The following DOK6 variants were observed in gnomAD, a reference collection of about 807,000 sequenced individuals.
DOK6 encodes downstream of tyrosine kinase 6.
In DOK6, 22 loss-of-function variants were observed where a neutral mutation model predicts 44.0. The observed-to-expected ratio is 0.50, with a 90% CI of 0.36 to 0.71. The LOEUF (loss-of-function observed/expected upper bound fraction) is 0.71. Ranked by LOEUF, DOK6 falls within the 30% of genes least tolerant of loss-of-function variation. The pLI is 0.00. For synonymous variants in DOK6, 166 were observed against 145.5 expected (o/e 1.14, Z -1.01); for missense variants, 340 against 416.4 (o/e 0.82, Z 1.60).
intron 1 of DOK6, among the ~76,000 whole-genome samples, chr18:69,531,024 C>T (rs1336452616): frequency 2.6e-5 from 4 of 151,914 alleles, no homozygotes; most frequent in Non-Finnish European, 5.9e-5. Context: ...CCTTCTTTGT[C>T]TCTTTTGATC....
chr18:69,439,446 C>T (rs2122439233), intron 1 of DOK6, among the ~76,000 whole-genome samples: 1 of 152,308 alleles, frequency 6.6e-6, no homozygotes, highest in Middle Eastern at 3.4e-3. Context: ...TATGAAAGTC[C>T]TGAATGGCAT....
chr18:69,553,316 C>T (rs1270932518), intron 1 of DOK6, among the ~76,000 whole-genome samples: 2 of 152,184 alleles, frequency 1.3e-5, no homozygotes, highest in Non-Finnish European at 2.9e-5. Context: ...AAAATAAGTT[C>T]ATTATTTCAC....
intron 6 of DOK6, among the ~76,000 whole-genome samples, chr18:69,742,469 A>G (rs1397374715): frequency 6.6e-6 from 1 of 152,098 alleles, no homozygotes; most frequent in East Asian, 1.9e-4. Flanking sequence ...GTGAGAAAAC[A>G]TTGCATTTGC....
chr18:69,639,383 A>T (rs1040953776), intron 3 of DOK6, among the ~76,000 whole-genome samples: 1 of 152,186 alleles, frequency 6.6e-6, no homozygotes, highest in Non-Finnish European at 1.5e-5. Context: ...TGATAAGGCC[A>T]TGGAGGGATT....
intron 5 of DOK6, among the ~76,000 whole-genome samples, chr18:69,733,599 C>T (rs1978491958): frequency 6.6e-6 from 1 of 152,138 alleles, no homozygotes; most frequent in South Asian, 2.1e-4. Flanking sequence ...CTATAGTCAC[C>T]ATGTTGGACA....
intron 3 of DOK6, chr18:69,661,196 C>T (rs28591677): frequency 0.37 from 56,992 of 152,150 alleles, 11,606 homozygotes; most frequent in East Asian, 0.82. Context: ...GTCACCAGCA[C>T]ATGCAGCATC....
chr18:69,416,561 C>T (rs1341245539), intron 1 of DOK6, among the ~76,000 whole-genome samples: 1 of 151,312 alleles, frequency 6.6e-6, no homozygotes, highest in Non-Finnish European at 1.5e-5. Context: ...GTGGGAGAAA[C>T]ATCTGCCTTC....
chr18:69,701,392 A>G (rs1304933331), intron 5 of DOK6, among the ~76,000 whole-genome samples: 1 of 152,258 alleles, frequency 6.6e-6, no homozygotes, highest in Non-Finnish European at 1.5e-5. Context: ...CCATGCAAGC[A>G]TATTTTCTCA....
chr18:69,692,880 GTTAAC>G (rs962499827), intron 4 of DOK6, among the ~76,000 whole-genome samples: 66 of 152,226 alleles, frequency 4.3e-4, no homozygotes, highest in African/African-American at 1.4e-3. Context: ...TTTTATTTAT[GTTAAC>G]TTAATAATGC....
At chr18:69,678,108 G>C (rs1324048964) in intron 4 of DOK6, among the ~76,000 whole-genome samples, 4 of 152,114 alleles carry the variant, frequency 2.6e-5, no homozygotes, top group South Asian at 4.1e-4. Context: ...AATTAGCTGG[G>C]TGTGGTGGCC....
At position 69,564,585 on chromosome 18, in the gene DOK6, C is replaced by T; in HGVS notation, c.165C>T (p.Asn55=). Residue 55 remains asparagine, a synonymous_variant, in exon 2 of 8, where the codon AAC becomes AAT. Coordinates refer to ENST00000382713, the MANE Select transcript of DOK6 (RefSeq NM_152721.6). ...FPDEKAAYFR[N]FHKVTELHNI... is the part of the protein sequence containing the mutation. ...ATGAAAAGGCAGCTTATTTCAGAAA[C>T]TTTCATAAGGTAAGTCACAGTCCTG... is the stretch of plus-strand genomic sequence containing the variant. 6.2e-7 allele frequency: 1 copy of T among 1,612,800 alleles called. No individual in the cohort carries two copies. The highest frequency in any genetic ancestry group is 8.5e-7 in the Non-Finnish European group (1 of 1,179,478).
rs1274860264 is a variant in DOK6 at position 69,434,951 on chromosome 18, G to A, written c.66+33641G>A. Among the ~76,000 whole-genome samples the A allele has an allele frequency of 2.9e-5, 3 of 105,218 alleles. No homozygotes were observed. In the East Asian group the frequency reaches 1.1e-3, roughly 37 times the overall value. The allele number at this position is 105,218 out of a possible 152,430, so 69.0% of individuals were successfully genotyped here. On this transcript the variant is annotated intron_variant, in intron 1 of 7. Transcript: ENST00000382713. ...AAAAGGGAGGGAGGGAGGGAGGGAG[G>A]GAGGGAAGGAAGGAAGGAAGGAAGG... is the stretch of plus-strand genomic sequence containing the variant.
At chr18:69,424,271 G>T (rs1471941951) in intron 1 of DOK6, among the ~76,000 whole-genome samples, 2 of 152,162 alleles carry the variant, frequency 1.3e-5, no homozygotes, top group Non-Finnish European at 2.9e-5. Context: ...GTAAATTCCA[G>T]AACCTTTTGC....
intron 4 of DOK6, among the ~76,000 whole-genome samples, chr18:69,698,136 A>G (rs1194246209): frequency 6.6e-6 from 1 of 152,180 alleles, no homozygotes; most frequent in Non-Finnish European, 1.5e-5. Flanking sequence ...CCATTGTACA[A>G]TTTAACTACT....
chr18:69,403,245 A>G (rs533452492), intron 1 of DOK6, among the ~76,000 whole-genome samples: 32 of 152,260 alleles, frequency 2.1e-4, no homozygotes, highest in African/African-American at 3.1e-4. Context: ...CCTGGAGTCT[A>G]TAGGATTCCC....
intron 7 of DOK6, among the ~76,000 whole-genome samples, chr18:69,777,158 A>G (rs1980101138): frequency 6.6e-6 from 1 of 151,386 alleles, no homozygotes. Flanking sequence ...AAAAAAAGAC[A>G]GGATAAAAAA....
At chr18:69,784,432 C>A (rs59246415) in intron 7 of DOK6, among the ~76,000 whole-genome samples, 5,540 of 151,172 alleles carry the variant, frequency 0.037, 109 homozygotes, top group Middle Eastern at 0.07. Context: ...ATAAATTATT[C>A]TCATAATATT....
intron 1 of DOK6, among the ~76,000 whole-genome samples, chr18:69,473,311 G>A (rs895405549): frequency 3.9e-5 from 6 of 152,018 alleles, no homozygotes; most frequent in Admixed American, 1.3e-4. Context: ...AGTTGTTTGC[G>A]TTTTTATTTG....
chr18:69,820,826 A>C (rs1364615142), intron 7 of DOK6, among the ~76,000 whole-genome samples: 1 of 152,094 alleles, frequency 6.6e-6, no homozygotes, highest in Non-Finnish European at 1.5e-5. Flanking sequence ...TCTCACTTAT[A>C]AGTGGGAGCT....
Sources: gnomAD v4.1 joint callset for allele counts (sites outside exome capture counted in the v4.1 genomes callset) on GRCh38, gnomAD v4.1.1 for gene constraint, MANE v1.5 for transcripts, NCBI Gene and HGNC (gene_info 2026-07-23, HGNC 2026-07-21) for gene names.